Variants in SAXO1 observed in about 807,000 individuals in gnomAD.
SAXO1 encodes stabilizer of axonemal microtubules 1.
In SAXO1, 21 loss-of-function variants were observed where a neutral mutation model predicts 17.5. The observed-to-expected ratio is 1.20, with a 90% CI of 0.85 to 1.72. The LOEUF is 1.72. Among genes scored for constraint, SAXO1 ranks in the 40% most tolerant of loss-of-function variants. The pLI, the probability that SAXO1 is intolerant of heterozygous loss-of-function variation, is 0.00. For missense variants in SAXO1, 843 were observed against 596.0 expected (o/e 1.41, Z -4.32); for synonymous variants, 274 against 216.5 (o/e 1.27, Z -2.33).
intron 1 of SAXO1, among the ~76,000 whole-genome samples, chr9:19,005,737 A>G (rs756602009): frequency 9.2e-5 from 14 of 152,244 alleles, no homozygotes; most frequent in Non-Finnish European, 1.3e-4. Flanking sequence ...CTTGGCTATG[A>G]CATCAAAAGC....
At chr9:18,990,763 C>T (rs1055409903) in intron 1 of SAXO1, among the ~76,000 whole-genome samples, 4 of 152,138 alleles carry the variant, frequency 2.6e-5, no homozygotes, top group African/African-American at 9.7e-5. Flanking sequence ...GGAGTGCAAA[C>T]CCTATCAGTG....
intron 2 of SAXO1, among the ~76,000 whole-genome samples, chr9:18,950,133 C>G (rs1831969996): frequency 6.6e-6 from 1 of 152,174 alleles, no homozygotes; most frequent in South Asian, 2.1e-4. Context: ...GTAGAAACAC[C>G]TCTGCAACGC....
intron 1 of SAXO1, among the ~76,000 whole-genome samples, chr9:18,992,059 A>G (rs948521181): frequency 1.3e-5 from 2 of 152,188 alleles, no homozygotes; most frequent in Non-Finnish European, 2.9e-5. Flanking sequence ...AGAACCCCCC[A>G]ATGAGATAGG....
At chr9:19,041,744 C>T (rs1204222857) in intron 1 of SAXO1, among the ~76,000 whole-genome samples, 2 of 152,146 alleles carry the variant, frequency 1.3e-5, no homozygotes, top group Admixed American at 6.5e-5. Context: ...TATCCATATG[C>T]AGAAGAAGGA....
intron 1 of SAXO1, among the ~76,000 whole-genome samples, chr9:18,987,140 T>G (rs187768453): frequency 2.1e-4 from 32 of 152,332 alleles, no homozygotes; most frequent in African/African-American, 7.2e-4. Context: ...GGCACAGTCC[T>G]CTCAGGTGAT....
chr9:18,996,379 A>G (rs1453770358), intron 1 of SAXO1, among the ~76,000 whole-genome samples: 1 of 152,232 alleles, frequency 6.6e-6, no homozygotes, highest in African/African-American at 2.4e-5. Flanking sequence ...GCAAACCTTG[A>G]TGGTGCAACC....
intron 1 of SAXO1, among the ~76,000 whole-genome samples, chr9:19,043,556 C>A (rs1296493168): frequency 6.6e-6 from 1 of 152,010 alleles, no homozygotes; most frequent in East Asian, 1.9e-4. Context: ...CACTTGAGCC[C>A]GGGAATTCAA....
Position 18,950,832 on chromosome 9 carries a change from C to A in SAXO1, c.144G>T (p.Leu48=), listed in dbSNP as rs1832005866. The change falls in exon 2 of 4, where the codon CTG becomes CTT. Residue 48 remains leucine, a synonymous_variant. Coordinates refer to ENST00000380534, the MANE Select transcript of SAXO1 (RefSeq NM_153707.4). ...TENYPFYHSY[L]PRESFKPRRE... is the part of the protein sequence containing the mutation. ...GCCTTGGCTTGAAGGACTCTCTGGG[C>A]AGGTAGGAGTGATAGAAAGGGTAGT... The A allele has an allele frequency of 1.2e-6, 2 of 1,613,640 alleles. No individual in the cohort carries two copies. The highest frequency in any genetic ancestry group is 1.7e-6 in the Non-Finnish European group (2 of 1,179,714).
chr9:18,969,131 C>T (rs56992415), intron 1 of SAXO1, among the ~76,000 whole-genome samples: 27,280 of 151,912 alleles, frequency 0.18, 5,315 homozygotes, highest in African/African-American at 0.49. Flanking sequence ...GAAACAAGCG[C>T]GTATCTGCTT....
In SAXO1 at chr9:18,950,923, G is replaced by A. The variant is rs776817030; in HGVS notation, c.53C>T (p.Pro18Leu). The change falls in exon 2 of 4, where the codon CCA becomes CTA. Residue 18 changes from proline to leucine, a missense_variant. By Grantham distance (98) the Pro-to-Leu change is moderately conservative. Transcript: ENST00000380534. ...ATCATAAATCTTGGTAGGGAGATGTGGACAGTGATGCCGCCTATAAAAGAC... is the reference window on the plus strand; with the variant it reads ...ATCATAAATCTTGGTAGGGAGATGTAGACAGTGATGCCGCCTATAAAAGAC... ...ELCSCGRHHC[P>L]HLPTKIYDKT... 8 of 1,612,090 alleles carry A rather than the reference G, an allele frequency of 5.0e-6. No individual in the cohort carries two copies. The highest frequency in any genetic ancestry group is 6.8e-6 in the Non-Finnish European group (8 of 1,179,388).
chr9:19,003,863 G>C (rs553339157), intron 1 of SAXO1, among the ~76,000 whole-genome samples: 4 of 152,098 alleles, frequency 2.6e-5, no homozygotes, highest in Non-Finnish European at 5.9e-5. Flanking sequence ...AACACCAAAA[G>C]CAATGGCAAC....
chr9:18,978,994 C>A (rs1346405454), intron 1 of SAXO1, among the ~76,000 whole-genome samples: 1 of 152,174 alleles, frequency 6.6e-6, no homozygotes. Flanking sequence ...ATTTCACAAG[C>A]CTCTACTAAA....
At chr9:18,963,257 G>A (rs533418883) in intron 1 of SAXO1, among the ~76,000 whole-genome samples, 1 of 152,206 alleles carries the variant, frequency 6.6e-6, no homozygotes, top group Non-Finnish European at 1.5e-5. Flanking sequence ...TGTTCTTTTT[G>A]CTTAGTTTTA....
chr9:19,021,585 T>A (rs149970434), intron 1 of SAXO1, among the ~76,000 whole-genome samples: 1 of 152,312 alleles, frequency 6.6e-6, no homozygotes, highest in African/African-American at 2.4e-5. Context: ...ATCACTGATT[T>A]TTGACAGTCT....
chr9:18,979,760 G>A (rs567708656), intron 1 of SAXO1, among the ~76,000 whole-genome samples: 31 of 152,318 alleles, frequency 2.0e-4, no homozygotes, highest in African/African-American at 7.5e-4. Context: ...AGGATCACTT[G>A]AGCCTAGATG....
At chr9:18,933,857 C>T (rs6475269) in intron 3 of SAXO1, among the ~76,000 whole-genome samples, 137,273 of 152,074 alleles carry the variant, frequency 0.9, 62,228 homozygotes, top group African/African-American at 0.98. Flanking sequence ...CCATCCTGGC[C>T]AACATGGTGA....
chr9:18,964,049 T>C lies in SAXO1; in HGVS notation c.39-13112A>G, dbSNP rs1340747023. Among the ~76,000 whole-genome samples the C allele has an allele frequency of 2.0e-5, 3 of 152,306 alleles. No individual in the cohort carries two copies. The East Asian group carries it at 5.8e-4, about 29-fold the overall frequency. On this transcript the variant is annotated intron_variant, in intron 1 of 3. Coordinates refer to ENST00000380534, the MANE Select transcript of SAXO1 (RefSeq NM_153707.4). ...ATAATCATGTGGTTTTTGTCATTGG[T>C]TCTGTGTATGTGATGGATTATGTTT...
chr9:19,016,105 T>C (rs1005604873), intron 1 of SAXO1, among the ~76,000 whole-genome samples: 3 of 151,962 alleles, frequency 2.0e-5, no homozygotes, highest in Admixed American at 2.0e-4. Flanking sequence ...TAATATAAGA[T>C]CCATTCCTGT....
chr9:19,033,002 C>G lies in SAXO1; in HGVS notation c.-94G>C, dbSNP rs114686419. The G allele has an allele frequency of 3.0e-5, 40 of 1,342,370 alleles. 1 individual carries two copies. The Admixed American group carries it at 3.7e-4, about 13-fold the overall frequency. 83.2% of individuals were successfully genotyped at this position (1,342,370 alleles called of 1,614,324 possible). A position where few individuals can be genotyped will look rare whatever the true frequency, so the allele number is the denominator to read the frequency against. ...CCACCTGTCTTGGGGCACGCCCAGG[C>G]TCGAGGGTCTTGGCAGGTGTTCTGT... On this transcript the variant is annotated 5_prime_UTR_variant, in exon 1 of 4. Coordinates refer to ENST00000380534, the MANE Select transcript of SAXO1 (RefSeq NM_153707.4).
Sources: allele counts gnomAD v4.1 joint callset (sites outside exome capture counted in the v4.1 genomes callset), GRCh38; gene constraint gnomAD v4.1.1; transcripts MANE v1.5; gene names NCBI Gene and HGNC (gene_info 2026-07-23, HGNC 2026-07-21).